AVL9: variants seen among roughly 807,000 people sequenced by gnomAD.
AVL9 encodes the protein late secretory pathway protein AVL9 homolog.
A neutral mutation model predicts 79.2 loss-of-function variants in AVL9; 49 were observed. The observed-to-expected ratio is 0.62, with a 90% CI of 0.49 to 0.79. The LOEUF is 0.79. Among genes scored for constraint, AVL9 ranks in the 30% least tolerant of loss-of-function variants. The pLI, the probability that AVL9 is intolerant of heterozygous loss-of-function variation, is 0.00. For synonymous variants in AVL9, 299 were observed against 280.6 expected (o/e 1.07, Z -0.65); for missense variants, 682 against 776.8 (o/e 0.88, Z 1.45).
chr7:32,495,684 G>A lies in AVL9; in HGVS notation c.-26G>A. On this transcript the variant is annotated 5_prime_UTR_variant, in exon 1 of 16. Coordinates refer to ENST00000318709, the MANE Select transcript of AVL9 (RefSeq NM_015060.3). ...CCCGCTGCCCTTGGCGGTCGAAGTC[G>A]TCGTGCGGGCCCGCGGCGGCCGCCC... 1 of 1,252,760 alleles carries A rather than the reference G, an allele frequency of 8.0e-7. No homozygotes were observed. 77.6% of individuals were successfully genotyped at this position (1,252,760 alleles called of 1,614,324 possible). A position where few individuals can be genotyped will look rare whatever the true frequency, so the allele number is the denominator to read the frequency against.
chr7:32,564,346 T>C (rs570545553), intron 10 of AVL9, among the ~76,000 whole-genome samples: 6 of 152,370 alleles, frequency 3.9e-5, no homozygotes, highest in African/African-American at 1.4e-4. Context: ...GACTTTTTCA[T>C]GTCAGTAACT....
intron 1 of AVL9, among the ~76,000 whole-genome samples, chr7:32,529,807 CAG>C (rs1788568080): frequency 6.6e-6 from 1 of 152,176 alleles, no homozygotes; most frequent in South Asian, 2.1e-4. Context: ...CAGATCAAAA[CAG>C]AGAACAATTC....
chr7:32,513,293 T>G (rs2128119221), intron 1 of AVL9, among the ~76,000 whole-genome samples: 1 of 152,284 alleles, frequency 6.6e-6, no homozygotes, highest in Middle Eastern at 3.4e-3. Flanking sequence ...AAAAGACTGG[T>G]TTAGGCCTTG....
At position 32,580,860 on chromosome 7, in the gene AVL9, C is replaced by T. The variant is rs1035881897; in HGVS notation, c.1801C>T (p.Arg601Trp). ...TGGAAACGTCATGGTCACAACTAGC[C>T]GGAATGTTGTACAAACAGGAAAAGC... ...KIGNVMVTTS[R>W]NVVQTGKAVG... Residue 601 changes from arginine (R) to tryptophan (W), a missense_variant, in exon 15 of 16, where the codon CGG becomes TGG. Transcript: ENST00000318709. 1.4e-5 allele frequency: 22 copies of T among 1,613,654 alleles called. No individual in the cohort carries two copies. Among genetic ancestry groups the T allele is most frequent in the African/African-American group, 8.0e-5 (6 of 74,870 alleles).
intron 1 of AVL9, among the ~76,000 whole-genome samples, chr7:32,528,298 G>A (rs1583522918): frequency 6.6e-6 from 1 of 152,320 alleles, no homozygotes; most frequent in African/African-American, 2.4e-5. Context: ...ATAAAAGCAA[G>A]CTGGAGCCCA....
chr7:32,523,193 A>G (rs1013798639), intron 1 of AVL9, among the ~76,000 whole-genome samples: 2 of 151,008 alleles, frequency 1.3e-5, no homozygotes, highest in Non-Finnish European at 2.9e-5. Context: ...AAGGGAGCCA[A>G]AGGACTAGCC....
At chr7:32,527,814 G>A (rs2128127106) in intron 1 of AVL9, among the ~76,000 whole-genome samples, 1 of 152,252 alleles carries the variant, frequency 6.6e-6, no homozygotes, top group African/African-American at 2.4e-5. Context: ...TTCAAAGTGT[G>A]TTCCACCCAC....
At chr7:32,514,771 A>G (rs1237815122) in intron 1 of AVL9, among the ~76,000 whole-genome samples, 1 of 152,112 alleles carries the variant, frequency 6.6e-6, no homozygotes, top group Non-Finnish European at 1.5e-5. Flanking sequence ...ACACCCTTTG[A>G]CCGTAATTTT....
chr7:32,565,371 C>T (rs561636860), intron 10 of AVL9, among the ~76,000 whole-genome samples: 9 of 150,962 alleles, frequency 6.0e-5, no homozygotes, highest in African/African-American at 2.2e-4. Context: ...ACCAGCCTGA[C>T]CAACATGGAG....
chr7:32,584,998 G>A lies in AVL9; in HGVS notation c.*1091G>A, dbSNP rs1791712219. On this transcript the variant is annotated 3_prime_UTR_variant, in exon 16 of 16. Transcript: ENST00000318709. ...TTGGCCAGGCTGGTCTTGATCTCCT[G>A]GCCTCAAGTGATCTGCCCGCCTCAG... is the stretch of plus-strand genomic sequence containing the variant. 6.6e-6 allele frequency: 1 copy of A among 152,184 alleles called. No individual in the cohort carries two copies. Among genetic ancestry groups the A allele is most frequent in the Non-Finnish European group, 1.5e-5 (1 of 68,102 alleles). The allele number at this position is 152,184 out of a possible 1,614,324, so 9.4% of individuals were successfully genotyped here. A position where few individuals can be genotyped will look rare whatever the true frequency, so the allele number is the denominator to read the frequency against.
At chr7:32,580,698 G>T in intron 14 of AVL9, 104 bp from the exon 15 acceptor site, 2 of 709,748 alleles carry the variant, frequency 2.8e-6, no homozygotes, top group Non-Finnish European at 4.8e-6. Flanking sequence ...ATTTTGGATG[G>T]TTACAGAGTG....
chr7:32,569,470 C>T (rs1355523007), intron 10 of AVL9, among the ~76,000 whole-genome samples: 1 of 152,146 alleles, frequency 6.6e-6, no homozygotes, highest in Non-Finnish European at 1.5e-5. Flanking sequence ...TAATTAAATA[C>T]ACAGATACTA....
At chr7:32,560,520 A>G (rs1790287008) in intron 10 of AVL9, among the ~76,000 whole-genome samples, 1 of 152,108 alleles carries the variant, frequency 6.6e-6, no homozygotes, top group Non-Finnish European at 1.5e-5. Flanking sequence ...ATTCAGTCAC[A>G]TTTTCAGATT....
At chr7:32,548,980 T>A in intron 4 of AVL9, 62 bp downstream of exon 4, 1 of 1,071,020 alleles carries the variant, frequency 9.3e-7, no homozygotes, top group Admixed American at 2.6e-5. Flanking sequence ...TCTTTAAGGA[T>A]AAGGCACTAT....
chr7:32,542,785 C>G lies in AVL9; in HGVS notation c.94-356C>G, dbSNP rs544568675. ...GCTCCTTTGTTGGACCTCTCCTACT[C>G]AATTCAGTAGGCTGTTGGTTTTCCT... On this transcript the variant is annotated intron_variant, in intron 1 of 15. Coordinates refer to ENST00000318709, the MANE Select transcript of AVL9 (RefSeq NM_015060.3). Among the ~76,000 whole-genome samples, 3 of 152,276 alleles carry G rather than the reference C, an allele frequency of 2.0e-5. No individual in the cohort carries two copies. In the East Asian group the frequency reaches 5.8e-4, roughly 29 times the overall value.
At chr7:32,527,216 C>G (rs142803901) in intron 1 of AVL9, among the ~76,000 whole-genome samples, 163 of 152,218 alleles carry the variant, frequency 1.1e-3, no homozygotes, top group African/African-American at 3.7e-3. Flanking sequence ...CCACTTCAGC[C>G]ATAAATAATT....
chr7:32,570,912 C>T (rs1411621042), intron 11 of AVL9, among the ~76,000 whole-genome samples: 1 of 147,028 alleles, frequency 6.8e-6, no homozygotes, highest in Non-Finnish European at 1.5e-5. Context: ...TAAGCCACCG[C>T]GCCCAGCCTG....
chr7:32,497,057 AC>A (rs1786856694), intron 1 of AVL9, among the ~76,000 whole-genome samples: 1 of 152,194 alleles, frequency 6.6e-6, no homozygotes, highest in Non-Finnish European at 1.5e-5. Flanking sequence ...CCTTGATCCC[AC>A]CACTGCACTC....
intron 12 of AVL9, 22 bp from the exon 13 acceptor site, chr7:32,575,933 C>A (rs763272485): frequency 3.2e-6 from 5 of 1,553,400 alleles, no homozygotes; most frequent in Non-Finnish European, 4.4e-6. Flanking sequence ...AGCTCAACTT[C>A]TTTCAAACAT....
Sources: allele counts gnomAD v4.1 joint callset (sites outside exome capture counted in the v4.1 genomes callset), GRCh38; gene constraint gnomAD v4.1.1; transcripts MANE v1.5; gene names NCBI Gene and HGNC (gene_info 2026-07-23, HGNC 2026-07-21).